The following ABCA13 variants were observed in gnomAD, a reference collection of about 807,000 sequenced individuals.
ABCA13 encodes the protein ATP binding cassette subfamily A member 13.
Under a neutral mutation model 478.7 loss-of-function variants are expected in ABCA13, and 476 were observed. That is an observed-to-expected ratio of 0.99 (90% CI 0.92 to 1.07). The LOEUF (loss-of-function observed/expected upper bound fraction) is 1.07, where lower values mean the gene tolerates loss of function less well. ABCA13 is among the 50% of genes least tolerant of loss of function. The pLI is 0.00. For synonymous variants in ABCA13, 2,252 were observed against 2,158.9 expected (o/e 1.04, Z -1.20); for missense variants, 6,060 against 5,910.6 (o/e 1.03, Z -0.83).
In ABCA13 at chr7:48,278,403, C is replaced by T. The variant is rs1796582049; in HGVS notation, c.7209C>T (p.Phe2403=). 5 of 1,613,732 alleles carry T rather than the reference C, an allele frequency of 3.1e-6. No individual in the cohort carries two copies. The highest frequency in any genetic ancestry group is 2.7e-5 in the African/African-American group (2 of 74,916). The change falls in exon 18 of 62, where the codon TTC becomes TTT. Residue 2403 remains phenylalanine, a synonymous_variant. Transcript: ENST00000435803. ...ATGTGAATAAGTCTGAGGACCTCTTCAAACTCAATCAAGATCTTGGGTCAG... is the reference window on the plus strand; with the variant it reads ...ATGTGAATAAGTCTGAGGACCTCTTTAAACTCAATCAAGATCTTGGGTCAG... The part of the protein sequence containing the change: ...FFHVNKSEDL[F]KLNQDLGSAL...
intron 27 of ABCA13, among the ~76,000 whole-genome samples, chr7:48,323,097 A>G (rs1803747090): frequency 6.6e-6 from 1 of 152,084 alleles, no homozygotes; most frequent in Non-Finnish European, 1.5e-5. Context: ...TCACCCACTA[A>G]AGGGCGTGTG....
Position 48,275,955 on chromosome 7 carries a change from A to T in ABCA13, c.6289A>T (p.Ile2097Leu). ...TATAAATTCAATGGCTCTTCAAAAGATAACTTTGCAGTTTGCCCATTTCCT... is the reference window on the plus strand; with the variant it reads ...TATAAATTCAATGGCTCTTCAAAAGTTAACTTTGCAGTTTGCCCATTTCCT... The part of the protein sequence containing the change: ...KSINSMALQK[I>L]TLQFAHFLEI... The change falls in exon 17 of 62, where the codon ATA becomes TTA. Residue 2097 changes from isoleucine to leucine, a missense_variant. Physicochemically the swap from Ile to Leu is conservative, Grantham distance 5 (BLOSUM62 2). Transcript: ENST00000435803. 1 of 1,613,726 alleles carries T rather than the reference A, an allele frequency of 6.2e-7. No homozygotes were observed. Among genetic ancestry groups the T allele is most frequent in the Non-Finnish European group, 8.5e-7 (1 of 1,179,820 alleles).
chr7:48,599,781 C>G (rs990687748), intron 58 of ABCA13, among the ~76,000 whole-genome samples: 2 of 152,140 alleles, frequency 1.3e-5, no homozygotes, highest in South Asian at 4.1e-4. Flanking sequence ...TCCCCCATCC[C>G]CCACAAAATG....
intron 40 of ABCA13, 125 bp from the exon 41 acceptor site, chr7:48,412,228 T>A: frequency 1.4e-6 from 1 of 696,100 alleles, no homozygotes; most frequent in Non-Finnish European, 2.4e-6. Context: ...TTAAGTGTGA[T>A]ATTTCATTTA....
intron 55 of ABCA13, among the ~76,000 whole-genome samples, chr7:48,562,293 G>A (rs1786549690): frequency 1.4e-5 from 2 of 147,704 alleles, no homozygotes; most frequent in South Asian, 4.2e-4. Flanking sequence ...GCTTTTTTGT[G>A]GGCTGAGTTT....
chr7:48,255,637 T>C (rs1793266752), intron 15 of ABCA13, among the ~76,000 whole-genome samples: 1 of 152,180 alleles, frequency 6.6e-6, no homozygotes, highest in South Asian at 2.1e-4. Context: ...AAGGACATGA[T>C]TTCATTCTTT....
intron 20 of ABCA13, 111 bp from the exon 21 acceptor site, chr7:48,295,589 G>C: frequency 7.2e-7 from 1 of 1,397,866 alleles, no homozygotes; most frequent in Admixed American, 1.9e-5. Flanking sequence ...GCAATGCACA[G>C]AAGCAACTGA....
chr7:48,238,479 T>C (rs1401763700), intron 8 of ABCA13, among the ~76,000 whole-genome samples: 1 of 152,056 alleles, frequency 6.6e-6, no homozygotes, highest in African/African-American at 2.4e-5. Context: ...TTTTTTTTTT[T>C]TTTCTTTAAG....
intron 23 of ABCA13, among the ~76,000 whole-genome samples, chr7:48,305,107 T>C (rs908156088): frequency 3.3e-5 from 5 of 152,240 alleles, no homozygotes; most frequent in African/African-American, 1.2e-4. Context: ...TGAGCACTTA[T>C]ATACACTACC....
chr7:48,340,253 C>T lies in ABCA13; in HGVS notation c.10204+1798C>T, dbSNP rs528619378. Reference sequence around the variant, plus strand: ...TCCTGAGTGGCTGGAACTACAGGTGCGCACCGCCATGCCCGGCTAATTTTT... The same window carrying T: ...TCCTGAGTGGCTGGAACTACAGGTGTGCACCGCCATGCCCGGCTAATTTTT... On this transcript the variant is annotated intron_variant, in intron 29 of 61. Coordinates refer to ENST00000435803, the MANE Select transcript of ABCA13 (RefSeq NM_152701.5). Among the ~76,000 whole-genome samples the T allele has an allele frequency of 2.9e-3, 446 of 152,086 alleles. 4 individuals carry two copies. Among genetic ancestry groups the T allele is most frequent in the South Asian group, 0.023 (110 of 4,816 alleles).
intron 53 of ABCA13, among the ~76,000 whole-genome samples, chr7:48,524,010 C>A (rs186980234): frequency 6.6e-6 from 1 of 152,212 alleles, no homozygotes; most frequent in African/African-American, 2.4e-5. Flanking sequence ...TAGTTTAGTG[C>A]CAATTCATTT....
At chr7:48,394,938 G>C (rs985718911) in intron 38 of ABCA13, among the ~76,000 whole-genome samples, 3 of 152,108 alleles carry the variant, frequency 2.0e-5, no homozygotes, top group Admixed American at 2.0e-4. Flanking sequence ...GCTGCCCTTG[G>C]TTGTATGGTG....
intron 7 of ABCA13, among the ~76,000 whole-genome samples, chr7:48,232,166 G>GTTTTTTTTTTTTTT (rs1789240529): frequency 7.0e-4 from 10 of 14,282 alleles, no homozygotes; most frequent in South Asian, 1.5e-3. Flanking sequence ...TTTTTTTTTA[G>GTTTTTTTTTTTTTT]CTTTCTGTAA....
At chr7:48,292,367 C>T (rs552382975) in intron 20 of ABCA13, among the ~76,000 whole-genome samples, 3 of 152,174 alleles carry the variant, frequency 2.0e-5, no homozygotes, top group Non-Finnish European at 4.4e-5. Context: ...CCATGTTCTA[C>T]CACCTCCACC....
chr7:48,427,650 TG>T (rs1257854277), intron 41 of ABCA13, 115 bp from the exon 42 acceptor site: 6 of 663,436 alleles, frequency 9.0e-6, no homozygotes, highest in Non-Finnish European at 1.3e-5. Flanking sequence ...ATGAAATATA[TG>T]GGGTGTGTTT....
rs577455144 is a variant in ABCA13 at position 48,506,282 on chromosome 7, G to T, written c.13292-54G>T. The T allele has an allele frequency of 2.5e-6, 4 of 1,568,906 alleles. No homozygotes were observed. In the East Asian group the frequency reaches 9.0e-5, roughly 35 times the overall value. ...TCTGCGTAGCCTGTAGATGAGCTGC[G>T]ATTCACCATGCAGGAGCAGGCTGAA... On this transcript the variant is annotated intron_variant, in intron 48 of 61. Coordinates refer to ENST00000435803, the MANE Select transcript of ABCA13 (RefSeq NM_152701.5).
chr7:48,528,073 A>C (rs182767251), intron 54 of ABCA13, among the ~76,000 whole-genome samples, 163 bp from the exon 55 acceptor site: 1 of 152,324 alleles, frequency 6.6e-6, no homozygotes, highest in Admixed American at 6.5e-5. Context: ...TTTATACACT[A>C]TTGTCATTTT....
chr7:48,510,430 G>T (rs568870978), intron 50 of ABCA13, among the ~76,000 whole-genome samples: 96 of 152,292 alleles, frequency 6.3e-4, no homozygotes, highest in African/African-American at 2.2e-3. Context: ...TTAAGGTGAG[G>T]CTGGATAGGG....
At chr7:48,505,200 G>A (rs1185656681) in intron 48 of ABCA13, among the ~76,000 whole-genome samples, 8 of 152,088 alleles carry the variant, frequency 5.3e-5, no homozygotes, top group African/African-American at 1.7e-4. Flanking sequence ...GCCTTAGTAC[G>A]TGGCTGAGTT....
Sources: allele counts gnomAD v4.1 joint callset (sites outside exome capture counted in the v4.1 genomes callset), GRCh38; gene constraint gnomAD v4.1.1; transcripts MANE v1.5; gene names NCBI Gene and HGNC (gene_info 2026-07-23, HGNC 2026-07-21).